Variants in TRAPPC10 observed in about 807,000 individuals in gnomAD.
TRAPPC10 encodes trafficking protein particle complex subunit 10.
A neutral mutation model predicts 125.5 loss-of-function variants in TRAPPC10; 23 were observed. The ratio of observed to expected loss-of-function variants is 0.18; its 90% CI spans 0.13 to 0.26. The LOEUF is 0.26. TRAPPC10 is among the 10% of genes least tolerant of loss of function. TRAPPC10 has a pLI of 1.00. For synonymous variants in TRAPPC10, 509 were observed against 518.0 expected (o/e 0.98, Z 0.24); for missense variants, 1,123 against 1,308.4 (o/e 0.86, Z 2.19).
chr21:44,038,078 AG>A, intron 3 of TRAPPC10, 151 bp downstream of exon 3: 1 of 1,155,190 alleles, frequency 8.7e-7, no homozygotes, highest in Non-Finnish European at 1.2e-6. Flanking sequence ...GTGGGGGAAG[AG>A]GACGCGCGGT....
intron 6 of TRAPPC10, among the ~76,000 whole-genome samples, chr21:44,060,924 A>G (rs1219235490): frequency 6.8e-6 from 1 of 147,964 alleles, no homozygotes; most frequent in African/African-American, 2.5e-5. Flanking sequence ...ATACACACAC[A>G]CACACACACA....
At chr21:44,081,017 CTTT>C (rs67865929) in intron 13 of TRAPPC10, among the ~76,000 whole-genome samples, 65 of 97,222 alleles carry the variant, frequency 6.7e-4, no homozygotes, top group African/African-American at 2.4e-3. Context: ...TTTTTTTTTT[CTTT>C]TTTTTTTTTT....
chr21:44,038,191 C>G (rs1480790696), intron 3 of TRAPPC10, among the ~76,000 whole-genome samples: 1 of 152,302 alleles, frequency 6.6e-6, no homozygotes, highest in Non-Finnish European at 1.5e-5. Context: ...CCCTTCATTC[C>G]TTGGCCAAGT....
intron 3 of TRAPPC10, among the ~76,000 whole-genome samples, chr21:44,049,794 C>T (rs1378107527): frequency 6.6e-6 from 1 of 152,206 alleles, no homozygotes; most frequent in Non-Finnish European, 1.5e-5. Context: ...TGGAGCCTTC[C>T]CCTCTGACTC....
chr21:44,083,379 GT>G, intron 14 of TRAPPC10, 77 bp downstream of exon 14: 9 of 1,511,716 alleles, frequency 6.0e-6, no homozygotes, highest in Non-Finnish European at 8.0e-6. Context: ...TGTCTGGAGT[GT>G]GCTGTGAATT....
chr21:44,034,395 T>G (rs1382121660), intron 2 of TRAPPC10, among the ~76,000 whole-genome samples: 2 of 119,528 alleles, frequency 1.7e-5, no homozygotes, highest in Non-Finnish European at 3.2e-5. Context: ...ACAGAAGAGC[T>G]CCAGACCCTC....
intron 1 of TRAPPC10, among the ~76,000 whole-genome samples, chr21:44,019,826 C>G (rs1453760476): frequency 6.6e-6 from 1 of 152,192 alleles, no homozygotes; most frequent in Non-Finnish European, 1.5e-5. Flanking sequence ...CATCAAGCGT[C>G]TTTGGTTTTA....
chr21:44,046,154 C>A (rs1467975780), intron 3 of TRAPPC10, among the ~76,000 whole-genome samples: 1 of 152,150 alleles, frequency 6.6e-6, no homozygotes, highest in African/African-American at 2.4e-5. Flanking sequence ...GCCACAGTGA[C>A]CCTTAAATAT....
chr21:44,060,445 T>C (rs1458556601), intron 6 of TRAPPC10, among the ~76,000 whole-genome samples: 2 of 152,102 alleles, frequency 1.3e-5, no homozygotes, highest in Non-Finnish European at 2.9e-5. Context: ...CACGCCTGGC[T>C]AATGTTTTGT....
intron 1 of TRAPPC10, among the ~76,000 whole-genome samples, chr21:44,030,312 A>G (rs2033462530): frequency 6.6e-6 from 1 of 152,168 alleles, no homozygotes; most frequent in African/African-American, 2.4e-5. Context: ...AAGCGATTCC[A>G]TTTAGTTGGC....
chr21:44,066,045 G>C (rs2036429073), intron 7 of TRAPPC10, among the ~76,000 whole-genome samples: 1 of 152,102 alleles, frequency 6.6e-6, no homozygotes, highest in South Asian at 2.1e-4. Flanking sequence ...TAGTTGTTAG[G>C]ATTTTTTGGT....
At chr21:44,015,827 A>G (rs1007703456) in intron 1 of TRAPPC10, among the ~76,000 whole-genome samples, 1 of 151,982 alleles carries the variant, frequency 6.6e-6, no homozygotes, top group Non-Finnish European at 1.5e-5. Flanking sequence ...TTGGCCAGGC[A>G]GGTCTAGAAC....
rs541202814 is a variant in TRAPPC10, at chr21:44,076,496, T to G, written c.1301-56T>G. 3.0e-5 allele frequency: 43 copies of G among 1,417,292 alleles called. 1 individual carries two copies. The highest frequency in any genetic ancestry group is 5.0e-5 in the Admixed American group (3 of 59,438). 87.8% of individuals were successfully genotyped at this position (1,417,292 alleles called of 1,614,324 possible). ...GCAGTATGTGAAGGTGAATGTAAAG[T>G]CATGTGACTGGACATGATGAAGATG... On this transcript the variant is annotated intron_variant, in intron 9 of 22. Transcript: ENST00000291574.
intron 1 of TRAPPC10, among the ~76,000 whole-genome samples, chr21:44,023,303 G>A (rs2032736104): frequency 6.6e-6 from 1 of 152,002 alleles, no homozygotes; most frequent in South Asian, 2.1e-4. Flanking sequence ...CCAAAGTGCT[G>A]GGATTACAGA....
chr21:44,036,187 A>G (rs1035677241), intron 2 of TRAPPC10, among the ~76,000 whole-genome samples: 7 of 152,262 alleles, frequency 4.6e-5, no homozygotes, highest in African/African-American at 1.7e-4. Context: ...CAAACAGAAA[A>G]TCATGCCAGG....
chr21:44,042,354 C>CG (rs2034485151), intron 3 of TRAPPC10, among the ~76,000 whole-genome samples: 1 of 151,570 alleles, frequency 6.6e-6, no homozygotes, highest in Admixed American at 6.6e-5. Context: ...CAGAAATTCT[C>CG]TATTTTTGAT....
chr21:44,090,847 G>A (rs1375626032), intron 18 of TRAPPC10, among the ~76,000 whole-genome samples: 1 of 152,190 alleles, frequency 6.6e-6, no homozygotes, highest in Non-Finnish European at 1.5e-5. Context: ...AAAGGGAACT[G>A]TAGATATTAA....
intron 15 of TRAPPC10, 48 bp downstream of exon 15, chr21:44,084,311 C>G: frequency 6.4e-7 from 1 of 1,569,964 alleles, no homozygotes; most frequent in Non-Finnish European, 8.6e-7. Context: ...TGGGGCAGTT[C>G]TGAGGAGACC....
intron 17 of TRAPPC10, chr21:44,088,724 T>C (rs949796773): frequency 3.1e-5 from 5 of 162,964 alleles, no homozygotes; most frequent in Middle Eastern, 3.0e-3. Context: ...ACCTGTGCTA[T>C]GTGCCGTGTT....
Sources: gnomAD v4.1 joint callset for allele counts (sites outside exome capture counted in the v4.1 genomes callset) on GRCh38, gnomAD v4.1.1 for gene constraint, MANE v1.5 for transcripts, NCBI Gene and HGNC (gene_info 2026-07-23, HGNC 2026-07-21) for gene names.